Variants in NEMF observed in about 807,000 individuals in gnomAD.
NEMF encodes the protein nuclear export mediator factor, also known as ribosome quality control complex subunit NEMF.
In NEMF, 89 loss-of-function variants were observed where a neutral mutation model predicts 162.2. The observed-to-expected ratio is 0.55, with a 90% CI of 0.46 to 0.65. The LOEUF (loss-of-function observed/expected upper bound fraction) is 0.65. NEMF is among the 30% of genes least tolerant of loss of function. The pLI, the probability that NEMF is intolerant of heterozygous loss-of-function variation, is 0.00. For synonymous variants in NEMF, 421 were observed against 404.5 expected (o/e 1.04, Z -0.49); for missense variants, 1,133 against 1,261.9 (o/e 0.90, Z 1.55).
At chr14:49,807,750 C>T (rs961595122) in intron 18 of NEMF, among the ~76,000 whole-genome samples, 8 of 151,732 alleles carry the variant, frequency 5.3e-5, no homozygotes, top group Non-Finnish European at 1.0e-4. Flanking sequence ...TGCACCACTA[C>T]GCCCGGCTAA....
At chr14:49,835,416 C>T (rs1892851240) in intron 6 of NEMF, among the ~76,000 whole-genome samples, 2 of 151,968 alleles carry the variant, frequency 1.3e-5, no homozygotes, top group African/African-American at 4.8e-5. Flanking sequence ...AGGAAAAGAG[C>T]CATATATCAT....
At chr14:49,819,803 C>G (rs938459199) in intron 16 of NEMF, among the ~76,000 whole-genome samples, 1 of 152,138 alleles carries the variant, frequency 6.6e-6, no homozygotes, top group Non-Finnish European at 1.5e-5. Context: ...TACCCAAAAT[C>G]TGTGTGTTTT....
chr14:49,816,375 T>C (rs1200854097), intron 16 of NEMF, among the ~76,000 whole-genome samples: 1 of 152,218 alleles, frequency 6.6e-6, no homozygotes, highest in Non-Finnish European at 1.5e-5. Context: ...GAGTTTCTGA[T>C]TTTGCCCTTG....
rs1019191207 is a variant in NEMF at position 49,783,803 on chromosome 14, A to ATTAAGC, written c.*827_*832dup. ...GAAGGTCTACAAATGAATAGAAATG[A>ATTAAGC]TTAAGCTGAGTCATGAGAATTATTA... On this transcript the variant is annotated 3_prime_UTR_variant, in exon 33 of 33. Transcript: ENST00000298310. 25 of 152,214 alleles carry ATTAAGC rather than the reference A, an allele frequency of 1.6e-4. No homozygotes were observed. The highest frequency in any genetic ancestry group is 3.1e-4 in the Non-Finnish European group (21 of 68,000). 9.4% of individuals were successfully genotyped at this position (152,214 alleles called of 1,614,324 possible).
intron 18 of NEMF, among the ~76,000 whole-genome samples, chr14:49,813,643 A>T (rs1228577497): frequency 6.8e-6 from 1 of 146,190 alleles, no homozygotes; most frequent in African/African-American, 2.6e-5. Context: ...TCCTTTTATC[A>T]TTACATCTTT....
At chr14:49,795,996 G>A in intron 25 of NEMF, 52 bp from the exon 26 acceptor site, 1 of 1,489,376 alleles carries the variant, frequency 6.7e-7, no homozygotes, top group Non-Finnish European at 9.1e-7. Flanking sequence ...GAAATTCTTA[G>A]TGCCCTAAAA....
intron 10 of NEMF, 93 bp from the exon 11 acceptor site, chr14:49,831,454 T>C (rs1392724603): frequency 2.6e-5 from 21 of 815,258 alleles, no homozygotes; most frequent in Admixed American, 2.1e-5. Context: ...TTCTTTTTTT[T>C]TGAGACAGAG....
chr14:49,842,219 T>C, intron 4 of NEMF, among the ~76,000 whole-genome samples: 1 of 16,064 alleles, frequency 6.2e-5, no homozygotes, highest in Non-Finnish European at 1.6e-3. Context: ...AACAAAATAG[T>C]AGAAAGAGGT....
intron 26 of NEMF, among the ~76,000 whole-genome samples, chr14:49,790,899 A>G (rs936731785): frequency 3.3e-5 from 5 of 152,136 alleles, no homozygotes; most frequent in African/African-American, 1.2e-4. Flanking sequence ...AGTCTGAGGT[A>G]GGAGAATCGC....
chr14:49,791,786 T>G (rs1365916130), intron 26 of NEMF, among the ~76,000 whole-genome samples: 2 of 150,690 alleles, frequency 1.3e-5, no homozygotes, highest in Non-Finnish European at 3.0e-5. Context: ...TTTGTGCATT[T>G]TACTACTATG....
At position 49,820,980 on chromosome 14, in the gene NEMF, GAGCGTCTCTGCCC is replaced by G. The variant is rs1420352585; in HGVS notation, c.1577+4874_1577+4886del. On this transcript the variant is annotated intron_variant, in intron 16 of 32. Coordinates refer to ENST00000298310, the MANE Select transcript of NEMF (RefSeq NM_004713.6). ...GCCGCCATCCCATCTAGGAAGTGAG[GAGCGTCTCTGCCC>G]GGCCGCCCATCATCTGAGATGTGGG... Among the ~76,000 whole-genome samples the G allele has an allele frequency of 5.8e-5, 6 of 103,140 alleles. 3 individuals are homozygous for G. Among genetic ancestry groups the G allele is most frequent in the Non-Finnish European group, 1.2e-4 (6 of 48,174 alleles). 67.7% of individuals were successfully genotyped at this position (103,140 alleles called of 152,430 possible). A position where few individuals can be genotyped will look rare whatever the true frequency, so the allele number is the denominator to read the frequency against.
chr14:49,833,331 A>G lies in NEMF; in HGVS notation c.735+92T>C, dbSNP rs1023586216. 23 of 678,958 alleles carry G rather than the reference A, an allele frequency of 3.4e-5. No individual in the cohort carries two copies. The African/African-American group carries it at 4.0e-4, about 12-fold the overall frequency. The allele number at this position is 678,958 out of a possible 1,614,324, so 42.1% of individuals were successfully genotyped here. A position where few individuals can be genotyped will look rare whatever the true frequency, so the allele number is the denominator to read the frequency against. ...AGATAACAATTTTCCAAATTAAAAT[A>G]AAATGTATATATAATGATCCTTTAA... On this transcript the variant is annotated intron_variant, in intron 8 of 32. Transcript: ENST00000298310.
In NEMF at chr14:49,838,220, C is replaced by A; in HGVS notation, c.507-14G>T. 1.2e-6 allele frequency: 2 copies of A among 1,611,948 alleles called. No homozygotes were observed. Among genetic ancestry groups the A allele is most frequent in the Non-Finnish European group, 1.7e-6 (2 of 1,178,166 alleles). On this transcript the variant is annotated splice_polypyrimidine_tract_variant and intron_variant, in intron 5 of 32. Coordinates refer to ENST00000298310, the MANE Select transcript of NEMF (RefSeq NM_004713.6). ...ATTTCAGTCAACCTGTGAAACAAAACGGACATGCCTCTATCATATCTTAAA... is the reference window on the plus strand; with the variant it reads ...ATTTCAGTCAACCTGTGAAACAAAAAGGACATGCCTCTATCATATCTTAAA...
chr14:49,807,473 T>C (rs569120054), intron 18 of NEMF, among the ~76,000 whole-genome samples: 1 of 152,198 alleles, frequency 6.6e-6, no homozygotes, highest in Non-Finnish European at 1.5e-5. Flanking sequence ...AGCAGCTGTA[T>C]CATTGTCCAT....
Position 49,784,545 on chromosome 14 carries a change from G to T in NEMF, c.*91C>A. The T allele has an allele frequency of 1.2e-6, 1 of 852,202 alleles. No individual in the cohort carries two copies. Among genetic ancestry groups the T allele is most frequent in the Non-Finnish European group, 1.9e-6 (1 of 528,972 alleles). The allele number at this position is 852,202 out of a possible 1,614,324, so 52.8% of individuals were successfully genotyped here. On this transcript the variant is annotated 3_prime_UTR_variant, in exon 33 of 33. Transcript: ENST00000298310. ...GCAATGTTTAGTTCATTTTTATAAT[G>T]CGGAAATCCTGATACATGGTGCTTT...
At chr14:49,833,647 T>C in intron 7 of NEMF, 151 bp from the exon 8 acceptor site, 3 of 477,532 alleles carry the variant, frequency 6.3e-6, no homozygotes, top group South Asian at 9.4e-5. Context: ...TTATAACCAG[T>C]ATATGTGGAT....
intron 18 of NEMF, among the ~76,000 whole-genome samples, chr14:49,808,675 T>A (rs1213122546): frequency 6.6e-6 from 1 of 151,494 alleles, no homozygotes; most frequent in Non-Finnish European, 1.5e-5. Context: ...AATGGTGTGA[T>A]TAAGAGGTCT....
intron 6 of NEMF, among the ~76,000 whole-genome samples, chr14:49,837,815 T>TAAAAAAAAAA (rs10709373): frequency 4.9e-5 from 6 of 122,778 alleles, no homozygotes; most frequent in Non-Finnish European, 6.8e-5. Flanking sequence ...ACCCACCAAT[T>TAAAAAAAAAA]AAAAAAAAAA....
intron 3 of NEMF, among the ~76,000 whole-genome samples, chr14:49,848,584 C>T (rs977057665): frequency 2.0e-5 from 3 of 152,136 alleles, no homozygotes; most frequent in Non-Finnish European, 2.9e-5. Flanking sequence ...CGCCTGTAAT[C>T]CCAGCACTCT....
Sources: allele counts gnomAD v4.1 joint callset (sites outside exome capture counted in the v4.1 genomes callset), GRCh38; gene constraint gnomAD v4.1.1; transcripts MANE v1.5; gene names NCBI Gene and HGNC (gene_info 2026-07-23, HGNC 2026-07-21).